The following SRGAP2 variants were observed in gnomAD, a reference collection of about 807,000 sequenced individuals.
SRGAP2 encodes SLIT-ROBO Rho GTPase activating protein 2.
Under a neutral mutation model 57.2 loss-of-function variants are expected in SRGAP2, and 15 were observed. The observed-to-expected ratio is 0.26, with a 90% confidence interval of 0.18 to 0.40. The LOEUF is 0.40. SRGAP2 is among the 10% of genes least tolerant of loss of function. SRGAP2 has a pLI of 1.00. For synonymous variants in SRGAP2, 249 were observed against 248.0 expected, an observed-to-expected ratio of 1.00 and a Z score of -0.04; for missense variants, 520 against 669.6, an observed-to-expected ratio of 0.78 and a Z score of 2.47.
intron 2 of SRGAP2, among the ~76,000 whole-genome samples, chr1:206,230,318 C>T (rs1303577212): frequency 6.8e-6 from 1 of 147,008 alleles, no homozygotes; most frequent in Non-Finnish European, 1.5e-5. Context: ...GGAAATGCCT[C>T]ATGGAAGCAC....
At chr1:206,296,467 T>C (rs1671602135) in intron 2 of SRGAP2, among the ~76,000 whole-genome samples, 2 of 151,286 alleles carry the variant, frequency 1.3e-5, no homozygotes, top group African/African-American at 4.9e-5. Context: ...TGTTGCTCTG[T>C]CACCCAGGCT....
intron 4 of SRGAP2, among the ~76,000 whole-genome samples, chr1:206,367,462 C>A (rs1553344851): frequency 0.19 from 27,918 of 145,774 alleles, 3,441 homozygotes; most frequent in East Asian, 0.61. Flanking sequence ...TAAGCTTTAG[C>A]GTCTGTAAGT....
chr1:206,427,882 G>A (rs936788121), intron 13 of SRGAP2, among the ~76,000 whole-genome samples: 3 of 152,190 alleles, frequency 2.0e-5, no homozygotes, highest in Non-Finnish European at 2.9e-5. Context: ...GCTAAGGCAG[G>A]AGGATTACTT....
At position 206,461,593 on chromosome 1, in the gene SRGAP2, C is replaced by T; in HGVS notation, c.*173C>T. ...TTGAGAATGAAGCCCTTGGTATCGCCTCTCCCTTCCCACTGCCCTCTGCTT... is the reference window on the plus strand; with the variant it reads ...TTGAGAATGAAGCCCTTGGTATCGCTTCTCCCTTCCCACTGCCCTCTGCTT... On this transcript the variant is annotated 3_prime_UTR_variant, in exon 23 of 23. Coordinates refer to ENST00000573034, the MANE Select transcript of SRGAP2 (RefSeq NM_015326.5). 2 of 611,546 alleles carry T rather than the reference C, an allele frequency of 3.3e-6. No homozygotes were observed. The highest frequency in any genetic ancestry group is 2.9e-6 in the Non-Finnish European group (1 of 342,016). 37.9% of individuals were successfully genotyped at this position (611,546 alleles called of 1,614,324 possible).
rs201348839 is a variant in SRGAP2 at position 206,344,377 on chromosome 1, G to T, written c.423+1369G>T. Among the ~76,000 whole-genome samples, 11 of 151,094 alleles carry T rather than the reference G, an allele frequency of 7.3e-5. No individual in the cohort carries two copies. The East Asian group carries it at 2.1e-3, about 29-fold the overall frequency. ...GGCCACACCTCATTTTGGAGTGAGG[G>T]TACTTCTCACCATCTCCTCCATGGT... On this transcript the variant is annotated intron_variant, in intron 4 of 22. Coordinates refer to ENST00000573034, the MANE Select transcript of SRGAP2 (RefSeq NM_015326.5).
Position 206,454,241 on chromosome 1 carries a change from A to G in SRGAP2, c.2361-637A>G. The G allele has an allele frequency of 5.7e-6, 4 of 701,820 alleles. No individual in the cohort carries two copies. The South Asian group carries it at 5.9e-5, about 10-fold the overall frequency. 43.5% of individuals were successfully genotyped at this position (701,820 alleles called of 1,614,324 possible). A position where few individuals can be genotyped will look rare whatever the true frequency, so the allele number is the denominator to read the frequency against. On this transcript the variant is annotated intron_variant, in intron 20 of 22. Coordinates refer to ENST00000573034, the MANE Select transcript of SRGAP2 (RefSeq NM_015326.5). The surrounding 1 kb of genome is among the most constrained non-coding windows in gnomAD (Gnocchi z 4.3). ...TTGATAGCATCGCAAACCTGGTGGC[A>G]ATCTGTGCGTGGACAGGACCCTCCC...
At chr1:206,396,065 C>A (rs1285341107) in intron 7 of SRGAP2, among the ~76,000 whole-genome samples, 4 of 147,020 alleles carry the variant, frequency 2.7e-5, no homozygotes, top group African/African-American at 1.0e-4. Context: ...TCACTGCAAG[C>A]TCCGCCTCCC....
At chr1:206,369,652 A>G (rs1188500435) in intron 4 of SRGAP2, among the ~76,000 whole-genome samples, 2 of 152,114 alleles carry the variant, frequency 1.3e-5, no homozygotes, top group African/African-American at 4.8e-5. Context: ...CATTTTTGAC[A>G]CTGTTATTTA....
chr1:206,354,995 A>G (rs192418332), intron 4 of SRGAP2, among the ~76,000 whole-genome samples: 4 of 152,310 alleles, frequency 2.6e-5, no homozygotes, highest in Admixed American at 2.6e-4. Flanking sequence ...TGTACATACT[A>G]TTTTGTAATC....
At chr1:206,260,740 A>C (rs1319677066) in intron 2 of SRGAP2, among the ~76,000 whole-genome samples, 6 of 152,228 alleles carry the variant, frequency 3.9e-5, no homozygotes, top group Non-Finnish European at 7.3e-5. Context: ...AGTTCCTTAC[A>C]AATGTGCACT....
chr1:206,457,544 G>A (rs1177996872), intron 21 of SRGAP2, among the ~76,000 whole-genome samples: 4 of 152,214 alleles, frequency 2.6e-5, no homozygotes, highest in South Asian at 4.1e-4. Flanking sequence ...AGAAGACTCT[G>A]AGAACATCCT....
At chr1:206,416,685 AC>A (rs1659732393) in intron 11 of SRGAP2, among the ~76,000 whole-genome samples, 1 of 152,054 alleles carries the variant, frequency 6.6e-6, no homozygotes, top group South Asian at 2.1e-4. Flanking sequence ...GTTTTTTGGC[AC>A]CCTGCCCAGA....
chr1:206,287,410 G>A (rs1319067890), intron 2 of SRGAP2, among the ~76,000 whole-genome samples: 1 of 131,186 alleles, frequency 7.6e-6, no homozygotes, highest in African/African-American at 3.0e-5. Flanking sequence ...GAAGCAAGGA[G>A]AGATAGAAAA....
chr1:206,412,281 G>A (rs1553359912), intron 10 of SRGAP2, among the ~76,000 whole-genome samples: 1 of 152,210 alleles, frequency 6.6e-6, no homozygotes, highest in Non-Finnish European at 1.5e-5. Context: ...AAACTGAATT[G>A]AAGTTTCACA....
intron 14 of SRGAP2, among the ~76,000 whole-genome samples, chr1:206,434,494 T>C (rs1441901863): frequency 2.0e-5 from 3 of 152,240 alleles, no homozygotes; most frequent in African/African-American, 7.2e-5. Flanking sequence ...TTCATGTTCA[T>C]GTGAACTGAG....
At position 206,437,832 on chromosome 1, in the gene SRGAP2, G is replaced by A; in HGVS notation, c.1634-132G>A. 4 of 693,604 alleles carry A rather than the reference G, an allele frequency of 5.8e-6. No individual in the cohort carries two copies. The South Asian group carries it at 6.6e-5, about 11-fold the overall frequency. The allele number at this position is 693,604 out of a possible 1,614,324, so 43.0% of individuals were successfully genotyped here. A position where few individuals can be genotyped will look rare whatever the true frequency, so the allele number is the denominator to read the frequency against. On this transcript the variant is annotated intron_variant, in intron 15 of 22. Coordinates refer to ENST00000573034, the MANE Select transcript of SRGAP2 (RefSeq NM_015326.5). ...CTGTTCCCTGGTCTGTCCCACTCAT[G>A]GCCACCATGCCGGGCAGAAAGCTGA... is the stretch of plus-strand genomic sequence containing the variant.
At chr1:206,459,542 T>C (rs1415403415) in intron 22 of SRGAP2, among the ~76,000 whole-genome samples, 1 of 151,200 alleles carries the variant, frequency 6.6e-6, no homozygotes, top group Non-Finnish European at 1.5e-5. Context: ...TCCTTCTGTG[T>C]ATGCACCGCA....
At chr1:206,296,609 T>A (rs1553619936) in intron 2 of SRGAP2, among the ~76,000 whole-genome samples, 5 of 151,968 alleles carry the variant, frequency 3.3e-5, no homozygotes, top group East Asian at 1.9e-4. Flanking sequence ...TAAAAAAAAA[T>A]TTTGTAGAGC....
intron 2 of SRGAP2, among the ~76,000 whole-genome samples, chr1:206,296,119 A>C (rs1671577153): frequency 6.7e-6 from 1 of 148,784 alleles, no homozygotes; most frequent in South Asian, 2.2e-4. Flanking sequence ...TCTCATCGTG[A>C]CTTCATTCAG....
Sources: allele counts gnomAD v4.1 joint callset (sites outside exome capture counted in the v4.1 genomes callset), GRCh38; gene constraint gnomAD v4.1.1; non-coding constraint Gnocchi (gnomAD v3.1); transcripts MANE v1.5; gene names NCBI Gene and HGNC (gene_info 2026-07-23, HGNC 2026-07-21).